The following MAGI2 variants were observed in gnomAD, a reference collection of about 807,000 sequenced individuals.
The protein encoded by MAGI2 is membrane-associated guanylate kinase, WW and PDZ domain-containing protein 2.
MAGI2 carries 35 observed loss-of-function variants against 133.3 expected under a neutral mutation model. That is an observed-to-expected ratio of 0.26 (90% CI 0.20 to 0.35). The LOEUF (loss-of-function observed/expected upper bound fraction) is 0.35. MAGI2 is among the 10% of genes least tolerant of loss of function. The probability of loss-of-function intolerance (pLI) is 1.00; values close to 1 mark genes in which losing one functional copy is unlikely to be tolerated. For missense variants in MAGI2, 1,636 were observed against 1,863.4 expected (o/e 0.88, Z 2.25); for synonymous variants, 729 against 710.6 (o/e 1.03, Z -0.41).
At chr7:78,867,436 A>T (rs955538761) in intron 2 of MAGI2, among the ~76,000 whole-genome samples, 2 of 151,524 alleles carry the variant, frequency 1.3e-5, no homozygotes, top group Non-Finnish European at 2.9e-5. Flanking sequence ...AAACTATTGC[A>T]AGAACAAAAA....
rs111295595 is a variant in MAGI2 at position 79,204,943 on chromosome 7, C to A, written c.302-197737G>T. Among the ~76,000 whole-genome samples the A allele has an allele frequency of 4.6e-5, 7 of 151,170 alleles. No individual in the cohort carries two copies. In the East Asian group the frequency reaches 1.2e-3, roughly 25 times the overall value. On this transcript the variant is annotated intron_variant, in intron 1 of 21. Coordinates refer to ENST00000354212, the MANE Select transcript of MAGI2 (RefSeq NM_012301.4). ...TACAGTAGAGGAGAATAAAAGAAAA[C>A]AATGTAAAGGAATGAAAAAAGCTTA...
chr7:78,687,370 T>TA (rs1219269075), intron 2 of MAGI2, among the ~76,000 whole-genome samples: 1 of 152,200 alleles, frequency 6.6e-6, no homozygotes, highest in Non-Finnish European at 1.5e-5. Context: ...AACTGTATTT[T>TA]AAAATACATG....
At chr7:78,402,455 G>A (rs890929383) in intron 6 of MAGI2, among the ~76,000 whole-genome samples, 17 of 151,994 alleles carry the variant, frequency 1.1e-4, no homozygotes, top group African/African-American at 9.7e-5. Context: ...CACCTCGGGC[G>A]TGTGTGTGTG....
chr7:79,195,294 C>T (rs754047933), intron 1 of MAGI2, among the ~76,000 whole-genome samples: 1 of 151,968 alleles, frequency 6.6e-6, no homozygotes, highest in Non-Finnish European at 1.5e-5. Context: ...CCTATCCCGA[C>T]ATCTGTGATG....
chr7:78,298,007 GAAA>G (rs796968713), intron 9 of MAGI2, among the ~76,000 whole-genome samples: 1 of 146,478 alleles, frequency 6.8e-6, no homozygotes, highest in Non-Finnish European at 1.5e-5. Flanking sequence ...AATTGTCTGG[GAAA>G]AAAAAAAGAT....
intron 3 of MAGI2, among the ~76,000 whole-genome samples, chr7:78,566,122 T>G (rs190061320): frequency 1.5e-3 from 231 of 152,308 alleles, no homozygotes; most frequent in African/African-American, 5.3e-3. Flanking sequence ...ATGGCCCCGT[T>G]GATGACATCT....
At chr7:78,103,879 A>G (rs973974768) in intron 20 of MAGI2, among the ~76,000 whole-genome samples, 1 of 152,256 alleles carries the variant, frequency 6.6e-6, no homozygotes, top group African/African-American at 2.4e-5. Flanking sequence ...AACTCACTCT[A>G]GTAGTTGAAA....
chr7:78,835,625 G>T (rs1467132975), intron 2 of MAGI2, among the ~76,000 whole-genome samples: 2 of 152,144 alleles, frequency 1.3e-5, no homozygotes, highest in African/African-American at 4.8e-5. Flanking sequence ...GACAGGGTTT[G>T]CCATATCATT....
At position 79,323,958 on chromosome 7, in the gene MAGI2, T is replaced by C. The variant is rs373203037; in HGVS notation, c.301+129062A>G. Among the ~76,000 whole-genome samples the C allele has an allele frequency of 5.3e-5, 8 of 152,200 alleles. 1 individual carries two copies. In the East Asian group the frequency reaches 1.6e-3, roughly 30 times the overall value. Reference sequence around the variant, plus strand: ...AAACACAAGAATGGGGCATCTAGCCTCCTGGGGATGCTCCTGGGAAGCTAG... The same window carrying C: ...AAACACAAGAATGGGGCATCTAGCCCCCTGGGGATGCTCCTGGGAAGCTAG... On this transcript the variant is annotated intron_variant, in intron 1 of 21. Transcript: ENST00000354212.
intron 2 of MAGI2, among the ~76,000 whole-genome samples, chr7:78,864,979 T>C (rs1268672531): frequency 1.3e-5 from 2 of 152,202 alleles, no homozygotes; most frequent in African/African-American, 4.8e-5. Context: ...AACTAGTTCC[T>C]AAATTTTTTG....
chr7:78,533,267 A>G (rs1797615114), intron 3 of MAGI2, among the ~76,000 whole-genome samples: 1 of 152,210 alleles, frequency 6.6e-6, no homozygotes, highest in Admixed American at 6.5e-5. Flanking sequence ...AGTGTCACAA[A>G]TAAGAGTTTA....
intron 9 of MAGI2, among the ~76,000 whole-genome samples, chr7:78,328,743 C>G (rs1230470640): frequency 6.6e-6 from 1 of 151,776 alleles, no homozygotes; most frequent in Non-Finnish European, 1.5e-5. Context: ...TTTTTCATAC[C>G]AAATATTTTT....
At chr7:78,149,996 A>G (rs1004428485) in intron 16 of MAGI2, among the ~76,000 whole-genome samples, 14 of 152,214 alleles carry the variant, frequency 9.2e-5, no homozygotes, top group Non-Finnish European at 2.1e-4. Context: ...TCACCCAGAA[A>G]AGGCTGTCTG....
At chr7:79,016,004 G>A (rs56059742) in intron 1 of MAGI2, among the ~76,000 whole-genome samples, 37 of 114,074 alleles carry the variant, frequency 3.2e-4, no homozygotes, top group South Asian at 3.8e-4. Context: ...GAAGCGGGGG[G>A]GGGGGGTGGG....
At chr7:78,031,448 C>T (rs77719741) in intron 21 of MAGI2, among the ~76,000 whole-genome samples, 1,815 of 152,104 alleles carry the variant, frequency 0.012, 39 homozygotes, top group African/African-American at 0.036. Flanking sequence ...TTGATTACAC[C>T]TTTTGGAAAG....
In MAGI2 at chr7:78,573,306, A is replaced by ATATATAAATATATATATT. The variant is rs1584694721; in HGVS notation, c.539-51662_539-51661insAATATATATATTTATATA. ...TATTTATATAAATATATATATTTATATATATAAATATATAAATATATATAT... is the reference window on the plus strand; with the variant it reads ...TATTTATATAAATATATATATTTATATATATAAATATATATATTTATATAAATATATAAATATATATAT... On this transcript the variant is annotated intron_variant, in intron 3 of 21. Transcript: ENST00000354212. Among the ~76,000 whole-genome samples, 11 of 48,880 alleles carry ATATATAAATATATATATT rather than the reference A, an allele frequency of 2.3e-4. No homozygotes were observed. The East Asian group carries it at 4.0e-3, about 18-fold the overall frequency. 32.1% of individuals were successfully genotyped at this position (48,880 alleles called of 152,430 possible). A position where few individuals can be genotyped will look rare whatever the true frequency, so the allele number is the denominator to read the frequency against.
intron 2 of MAGI2, among the ~76,000 whole-genome samples, chr7:78,755,668 G>A (rs1447398883): frequency 6.6e-6 from 1 of 152,228 alleles, no homozygotes; most frequent in Non-Finnish European, 1.5e-5. Flanking sequence ...GGCACCAGTT[G>A]ATGGTATGGT....
In MAGI2 at chr7:78,345,942, A is replaced by G; in HGVS notation, c.1205T>C (p.Leu402Pro). Residue 402 changes from leucine to proline, a missense_variant, in exon 8 of 22, where the codon CTG (leucine) becomes CCG (proline). Coordinates refer to ENST00000354212, the MANE Select transcript of MAGI2 (RefSeq NM_012301.4). ...CATACCTCGGAAACCTGGGGCCTGC[A>G]GGGGCTTTGTTCCAAGTTCTGTGTG... ...MPHTELGTKP[L>P]QAPGFREKPL... is the part of the protein sequence containing the mutation. 1.2e-6 allele frequency: 2 copies of G among 1,614,196 alleles called. No individual in the cohort carries two copies. The highest frequency in any genetic ancestry group is 2.7e-5 in the African/African-American group (2 of 75,062).
chr7:78,159,922 T>C, intron 16 of MAGI2, 103 bp downstream of exon 16: 2 of 1,424,808 alleles, frequency 1.4e-6, no homozygotes, highest in Non-Finnish European at 1.9e-6. Context: ...GGCTATACAG[T>C]ATGTCCGTGA....
Sources: allele counts gnomAD v4.1 joint callset (sites outside exome capture counted in the v4.1 genomes callset), GRCh38; gene constraint gnomAD v4.1.1; transcripts MANE v1.5; gene names NCBI Gene and HGNC (gene_info 2026-07-23, HGNC 2026-07-21).